Variants in CHD2 observed in about 807,000 individuals in gnomAD.
The protein encoded by CHD2 is ATP-dependent chromatin remodeler CHD2.
CHD2 carries 28 observed loss-of-function variants against 243.9 expected under a neutral mutation model. The observed-to-expected ratio is 0.11, with a 90% CI of 0.09 to 0.16. The LOEUF (loss-of-function observed/expected upper bound fraction) is 0.16, where lower values mean the gene tolerates loss of function less well. CHD2 is among the 10% of genes least tolerant of loss of function. CHD2 has a pLI of 1.00. For synonymous variants in CHD2, 775 were observed against 779.0 expected, an observed-to-expected ratio of 0.99 and a Z score of 0.09; for missense variants, 1,386 against 2,209.8, an observed-to-expected ratio of 0.63 and a Z score of 7.47.
intron 16 of CHD2, among the ~76,000 whole-genome samples, chr15:92,966,853 T>C (rs962029462): frequency 1.3e-5 from 2 of 149,008 alleles, no homozygotes; most frequent in Admixed American, 6.8e-5. Flanking sequence ...GAGGTTGCAG[T>C]GAGCTGAGAT....
chr15:93,026,375 C>G lies in CHD2; in HGVS notation c.*1670C>G, dbSNP rs751416793. ...CCAAGACATGCCAAGTTGGATCCCC[C>G]GAATGAAGCAGATGTGGCTGTGGTG... On this transcript the variant is annotated 3_prime_UTR_variant, in exon 39 of 39. Transcript: ENST00000394196. 2.0e-5 allele frequency: 3 copies of G among 152,576 alleles called. No homozygotes were observed. Among genetic ancestry groups the G allele is most frequent in the Non-Finnish European group, 4.4e-5 (3 of 68,166 alleles). 9.5% of individuals were successfully genotyped at this position (152,576 alleles called of 1,614,324 possible).
intron 2 of CHD2, among the ~76,000 whole-genome samples, chr15:92,908,637 CT>C (rs1334595000): frequency 1.3e-5 from 2 of 152,314 alleles, no homozygotes; most frequent in South Asian, 4.1e-4. Flanking sequence ...ACTTCGTGTA[CT>C]TTAACCCTTG....
chr15:93,011,116 A>T (rs2054388868), intron 35 of CHD2, among the ~76,000 whole-genome samples: 1 of 151,646 alleles, frequency 6.6e-6, no homozygotes, highest in African/African-American at 2.4e-5. Flanking sequence ...TGATTAGAAG[A>T]TAGCAAAAGG....
In CHD2 at chr15:93,002,127, G is replaced by A. The variant is rs2054264697; in HGVS notation, c.4138-50G>A. On this transcript the variant is annotated intron_variant, in intron 32 of 38. Coordinates refer to ENST00000394196, the MANE Select transcript of CHD2 (RefSeq NM_001271.4). The stretch of plus-strand genomic sequence containing the variant: ...GCTTCTTTTTCCAGAAAGTACATAA[G>A]TAGATATAAAATTTGTAGCAAAAAT... 4 of 1,562,430 alleles carry A rather than the reference G, an allele frequency of 2.6e-6. No individual in the cohort carries two copies. The South Asian group carries it at 4.9e-5, about 19-fold the overall frequency.
chr15:92,924,705 T>C (rs2053024640), intron 3 of CHD2, among the ~76,000 whole-genome samples, 153 bp downstream of exon 3: 1 of 152,210 alleles, frequency 6.6e-6, no homozygotes, highest in Admixed American at 6.5e-5. Flanking sequence ...AGGATACAAA[T>C]GAAGACTTCT....
chr15:92,958,510 A>G (rs778487694), intron 16 of CHD2, among the ~76,000 whole-genome samples: 39 of 152,232 alleles, frequency 2.6e-4, no homozygotes, highest in Non-Finnish European at 4.3e-4. Flanking sequence ...GTCATTGCCA[A>G]GGTCTGATTG....
intron 20 of CHD2, among the ~76,000 whole-genome samples, chr15:92,977,177 T>C: frequency 6.6e-6 from 1 of 152,188 alleles, no homozygotes. Context: ...GACTTCTCTT[T>C]GGAGTGTGGT....
At chr15:92,915,858 T>G (rs1490439284) in intron 2 of CHD2, among the ~76,000 whole-genome samples, 1 of 152,166 alleles carries the variant, frequency 6.6e-6, no homozygotes, top group Non-Finnish European at 1.5e-5. Context: ...AAATGCTACA[T>G]ACCTCCCTAA....
intron 2 of CHD2, among the ~76,000 whole-genome samples, chr15:92,908,830 A>T (rs933041322): frequency 5.3e-5 from 8 of 152,212 alleles, no homozygotes; most frequent in Admixed American, 5.2e-4. Flanking sequence ...TTTAAAATGT[A>T]TACACAGGCT....
intron 2 of CHD2, among the ~76,000 whole-genome samples, chr15:92,906,249 CTCTT>C (rs543786315): frequency 4.6e-5 from 7 of 152,212 alleles, no homozygotes; most frequent in East Asian, 3.9e-4. Context: ...CGATTTCTCT[CTCTT>C]TCTCTCTCTC....
At chr15:92,914,022 A>T (rs75269610) in intron 2 of CHD2, among the ~76,000 whole-genome samples, 257 of 152,296 alleles carry the variant, frequency 1.7e-3, no homozygotes, top group African/African-American at 6.0e-3. Flanking sequence ...GGGATTGGTA[A>T]TCAGATCTTT....
chr15:92,994,913 C>G (rs1213259371), intron 28 of CHD2, among the ~76,000 whole-genome samples: 2 of 152,174 alleles, frequency 1.3e-5, no homozygotes, highest in Admixed American at 6.5e-5. Context: ...TTCCTGTAAA[C>G]TGGTATTCAG....
intron 11 of CHD2, 78 bp downstream of exon 11, chr15:92,945,943 C>A: frequency 6.9e-7 from 1 of 1,455,552 alleles, no homozygotes; most frequent in South Asian, 1.3e-5. Context: ...TTTGTTTTGC[C>A]ACATGATGTT....
chr15:92,911,417 T>C (rs900363998), intron 2 of CHD2, among the ~76,000 whole-genome samples: 3 of 152,182 alleles, frequency 2.0e-5, no homozygotes, highest in African/African-American at 4.8e-5. Context: ...AAGCATCTTG[T>C]GAAAAGTTGC....
chr15:92,991,752 G>T, intron 27 of CHD2: 1 of 394,904 alleles, frequency 2.5e-6, no homozygotes, highest in East Asian at 4.1e-5. Flanking sequence ...CTTCGTGAGG[G>T]AGATAAAGCA....
intron 37 of CHD2, among the ~76,000 whole-genome samples, chr15:93,016,405 A>C (rs2054460797): frequency 5.9e-5 from 9 of 152,224 alleles, no homozygotes. Flanking sequence ...TCAGTTAGAT[A>C]TGAGGAATAA....
chr15:92,968,063 C>T lies in CHD2; in HGVS notation c.2189+550C>T, dbSNP rs143058775. ...CCATGCATTTTGCTTGTTTGGGGAT[C>T]GATATAAGCTCCATGCATTTTGATT... On this transcript the variant is annotated intron_variant, in intron 17 of 38. Coordinates refer to ENST00000394196, the MANE Select transcript of CHD2 (RefSeq NM_001271.4). 3.7e-3 allele frequency among the ~76,000 whole-genome samples: 566 copies of T among 151,916 alleles called. 6 individuals are homozygous for T. The highest frequency in any genetic ancestry group is 0.013 in the African/African-American group (531 of 41,408).
chr15:92,965,603 A>G (rs1485041619), intron 16 of CHD2, among the ~76,000 whole-genome samples: 1 of 149,178 alleles, frequency 6.7e-6, no homozygotes, highest in Non-Finnish European at 1.5e-5. Flanking sequence ...AAACCAACTC[A>G]GAATCTGATG....
At chr15:92,963,725 A>G (rs903832389) in intron 16 of CHD2, among the ~76,000 whole-genome samples, 7 of 152,210 alleles carry the variant, frequency 4.6e-5, no homozygotes, top group South Asian at 2.1e-4. Context: ...GACACAGTCA[A>G]TAAGTAGATA....
Sources: gnomAD v4.1 joint callset for allele counts (sites outside exome capture counted in the v4.1 genomes callset) on GRCh38, gnomAD v4.1.1 for gene constraint, MANE v1.5 for transcripts, NCBI Gene and HGNC (gene_info 2026-07-23, HGNC 2026-07-21) for gene names.